Variants in SPATA16 observed in about 807,000 individuals in gnomAD.
The protein encoded by SPATA16 is spermatogenesis-associated protein 16.
SPATA16 carries 36 observed loss-of-function variants against 63.3 expected under a neutral mutation model. The ratio of observed to expected loss-of-function variants is 0.57; its 90% CI spans 0.44 to 0.75. The LOEUF (loss-of-function observed/expected upper bound fraction) is 0.75, where lower values mean the gene tolerates loss of function less well. SPATA16 is among the 30% of genes least tolerant of loss of function. The pLI, the probability that SPATA16 is intolerant of heterozygous loss-of-function variation, is 0.00. For missense variants in SPATA16, 646 were observed against 679.3 expected, an observed-to-expected ratio of 0.95 and a Z score of 0.54; for synonymous variants, 203 against 216.7, an observed-to-expected ratio of 0.94 and a Z score of 0.56.
At chr3:173,062,139 A>G (rs1380127470) in intron 2 of SPATA16, among the ~76,000 whole-genome samples, 1 of 149,922 alleles carries the variant, frequency 6.7e-6, no homozygotes, top group African/African-American at 2.5e-5. Context: ...GATCTGACCA[A>G]CTAGTAATTT....
chr3:172,942,942 A>T (rs977120942), intron 6 of SPATA16, among the ~76,000 whole-genome samples: 2 of 152,198 alleles, frequency 1.3e-5, no homozygotes, highest in African/African-American at 4.8e-5. Context: ...CATGGCTCAA[A>T]GAAGATTTCA....
intron 2 of SPATA16, among the ~76,000 whole-genome samples, chr3:173,051,926 C>T (rs1736108386): frequency 6.6e-6 from 1 of 152,040 alleles, no homozygotes. Context: ...ATTCTCCTGC[C>T]TCAGCCGCCC....
At chr3:172,925,273 T>A (rs1732701819) in intron 7 of SPATA16, 73 bp downstream of exon 7, 1 of 1,556,088 alleles carries the variant, frequency 6.4e-7, no homozygotes, top group Non-Finnish European at 8.8e-7. Flanking sequence ...TAATTTTAAC[T>A]CAAACATTTT....
At chr3:172,931,372 T>A (rs1397351590) in intron 6 of SPATA16, among the ~76,000 whole-genome samples, 1 of 152,152 alleles carries the variant, frequency 6.6e-6, no homozygotes, top group East Asian at 1.9e-4. Context: ...TCCAGAGAAG[T>A]TGAGACTAAA....
chr3:173,090,329 C>T lies in SPATA16; in HGVS notation c.612+26791G>A, dbSNP rs188431922. 3.7e-3 allele frequency among the ~76,000 whole-genome samples: 562 copies of T among 152,252 alleles called. 5 individuals carry two copies. The highest frequency in any genetic ancestry group is 0.013 in the African/African-American group (525 of 41,552). ...TTTCACCTTCTGCAATAATTGTAAG[C>T]TTCCAGAGGCTTCCCCAGAAGCCAA... On this transcript the variant is annotated intron_variant, in intron 2 of 10. Transcript: ENST00000351008.
At chr3:173,010,838 C>T (rs993272088) in intron 4 of SPATA16, among the ~76,000 whole-genome samples, 1 of 152,022 alleles carries the variant, frequency 6.6e-6, no homozygotes, top group African/African-American at 2.4e-5. Context: ...AGAGTTCAGC[C>T]AGTGACCTGA....
At chr3:173,116,082 G>T (rs1176351187) in intron 2 of SPATA16, among the ~76,000 whole-genome samples, 1 of 152,002 alleles carries the variant, frequency 6.6e-6, no homozygotes, top group Non-Finnish European at 1.5e-5. Context: ...TGTAGAGATA[G>T]GGTCTCACTA....
intron 6 of SPATA16, among the ~76,000 whole-genome samples, chr3:172,950,759 C>T (rs988702360): frequency 3.3e-5 from 5 of 151,896 alleles, no homozygotes; most frequent in Non-Finnish European, 5.9e-5. Context: ...ATTATTTATG[C>T]GAACATACAT....
At chr3:172,922,000 C>A (rs560693427) in intron 8 of SPATA16, among the ~76,000 whole-genome samples, 1 of 152,302 alleles carries the variant, frequency 6.6e-6, no homozygotes, top group South Asian at 2.1e-4. Flanking sequence ...AAAGAAAGAA[C>A]ACCTTGAAGG....
At chr3:173,127,046 T>C (rs532998715) in intron 1 of SPATA16, among the ~76,000 whole-genome samples, 6 of 152,316 alleles carry the variant, frequency 3.9e-5, no homozygotes, top group African/African-American at 1.4e-4. Context: ...TTTTAAAAAA[T>C]TCACAAGTTT....
intron 5 of SPATA16, among the ~76,000 whole-genome samples, chr3:172,960,890 TCTCC>T (rs1560080014): frequency 1.4e-5 from 2 of 147,636 alleles, no homozygotes; most frequent in East Asian, 1.9e-4. Flanking sequence ...TCTTTCTCTC[TCTCC>T]TTCCTTCCTT....
At chr3:173,003,690 T>G (rs972266430) in intron 4 of SPATA16, among the ~76,000 whole-genome samples, 2 of 152,208 alleles carry the variant, frequency 1.3e-5, no homozygotes, top group Admixed American at 1.3e-4. Flanking sequence ...GAACATACTG[T>G]TCATACCAGT....
intron 2 of SPATA16, among the ~76,000 whole-genome samples, chr3:173,060,228 GC>G (rs1736346329): frequency 6.6e-6 from 1 of 152,080 alleles, no homozygotes; most frequent in South Asian, 2.1e-4. Flanking sequence ...TTGCACTCCA[GC>G]CCAGGTGACA....
chr3:172,945,602 G>A (rs1296406183), intron 6 of SPATA16, among the ~76,000 whole-genome samples: 2 of 152,116 alleles, frequency 1.3e-5, no homozygotes, highest in Admixed American at 6.6e-5. Context: ...GTAATTGTGG[G>A]ACTTTGTATT....
At chr3:172,983,630 A>G (rs1577118333) in intron 4 of SPATA16, among the ~76,000 whole-genome samples, 1 of 152,156 alleles carries the variant, frequency 6.6e-6, no homozygotes, top group African/African-American at 2.4e-5. Flanking sequence ...AGATAAATTA[A>G]TATTGTTGCA....
At chr3:172,980,195 G>A (rs1043107617) in intron 4 of SPATA16, among the ~76,000 whole-genome samples, 5 of 152,188 alleles carry the variant, frequency 3.3e-5, no homozygotes, top group East Asian at 1.9e-4. Flanking sequence ...GCTTTTCATC[G>A]TGCTGAATTT....
intron 2 of SPATA16, among the ~76,000 whole-genome samples, chr3:173,051,508 G>T (rs1736094917): frequency 6.6e-6 from 1 of 151,852 alleles, no homozygotes; most frequent in South Asian, 2.1e-4. Context: ...GCCAATTTTT[G>T]TATTTTCAGT....
At chr3:173,077,531 A>G (rs929579124) in intron 2 of SPATA16, among the ~76,000 whole-genome samples, 10 of 152,216 alleles carry the variant, frequency 6.6e-5, no homozygotes, top group African/African-American at 2.4e-4. Flanking sequence ...GTTTCAGTGT[A>G]AAAGCAGGCA....
chr3:173,063,764 T>C (rs920834603), intron 2 of SPATA16, among the ~76,000 whole-genome samples: 4 of 152,262 alleles, frequency 2.6e-5, no homozygotes, highest in South Asian at 2.1e-4. Context: ...GTGGGGAAAA[T>C]TGGGCTGTCT....
Sources: gnomAD v4.1 joint callset for allele counts (sites outside exome capture counted in the v4.1 genomes callset) on GRCh38, gnomAD v4.1.1 for gene constraint, MANE v1.5 for transcripts, NCBI Gene and HGNC (gene_info 2026-07-23, HGNC 2026-07-21) for gene names.